The following AOPEP variants were observed in gnomAD, a reference collection of about 807,000 sequenced individuals.
The protein encoded by AOPEP is aminopeptidase O.
Under a neutral mutation model 98.1 loss-of-function variants are expected in AOPEP, and 77 were observed. That is an observed-to-expected ratio of 0.78 (90% CI 0.65 to 0.95). The LOEUF is 0.95. Among genes scored for constraint, AOPEP ranks in the 40% least tolerant of loss-of-function variants. AOPEP has a pLI of 0.00. For missense variants in AOPEP, 1,024 were observed against 1,024.7 expected (o/e 1.00, Z 0.01); for synonymous variants, 346 against 365.3 (o/e 0.95, Z 0.60).
At chr9:95,117,379 T>C in the AOPEP span, 1 of 1,613,712 alleles carries the variant, frequency 6.2e-7, no homozygotes, top group Non-Finnish European at 8.5e-7. Context: ...AGGTCTTGAG[T>C]GCAAACCGCA....
Position 95,086,796 on chromosome 9 carries a change from A to T in AOPEP, c.*119A>T, listed in dbSNP as rs1393853166. On this transcript the variant is annotated 3_prime_UTR_variant, in exon 17 of 17. Coordinates refer to ENST00000375315, the MANE Select transcript of AOPEP (RefSeq NM_001193329.3). ...GTGGCTGCTAAAGCCATCGGCCCAC[A>T]GCCCTGTTCACATCTTGGTGCTTCT... 1.0e-6 allele frequency: 1 copy of T among 987,894 alleles called. No individual in the cohort carries two copies. Among genetic ancestry groups the T allele is most frequent in the Non-Finnish European group, 1.2e-6 (1 of 830,134 alleles). The allele number at this position is 987,894 out of a possible 1,614,324, so 61.2% of individuals were successfully genotyped here.
intron 5 of AOPEP, among the ~76,000 whole-genome samples, chr9:94,919,840 A>G (rs1268183699): frequency 6.6e-6 from 1 of 152,312 alleles, no homozygotes; most frequent in South Asian, 2.1e-4. Flanking sequence ...TTAGAGGGCA[A>G]TGAGCCTGGT....
At chr9:94,785,711 A>G (rs1245539462) in intron 3 of AOPEP, among the ~76,000 whole-genome samples, 1 of 152,232 alleles carries the variant, frequency 6.6e-6, no homozygotes, top group African/African-American at 2.4e-5. Flanking sequence ...TGCAGAGGAA[A>G]AACTCTGGGT....
chr9:95,122,645 A>G, the AOPEP span, among the ~76,000 whole-genome samples: 1 of 152,210 alleles, frequency 6.6e-6, no homozygotes, highest in Non-Finnish European at 1.5e-5. Context: ...CTGCAACATC[A>G]GTCCCAATCC....
chr9:94,979,338 C>G (rs1301002753), intron 10 of AOPEP, 29 bp from the exon 11 acceptor site: 1 of 1,524,016 alleles, frequency 6.6e-7, no homozygotes, highest in Admixed American at 1.8e-5. Context: ...CTTTTTAATC[C>G]TTTACTTTTT....
At chr9:94,833,346 T>G (rs2041154616) in intron 5 of AOPEP, among the ~76,000 whole-genome samples, 1 of 151,120 alleles carries the variant, frequency 6.6e-6, no homozygotes, top group Non-Finnish European at 1.5e-5. Flanking sequence ...CAAGTGATTC[T>G]CCTGCCTCAG....
chr9:94,734,191 C>A (rs1293768429), intron 1 of AOPEP, among the ~76,000 whole-genome samples: 3 of 152,160 alleles, frequency 2.0e-5, no homozygotes, highest in Non-Finnish European at 2.9e-5. Flanking sequence ...AACATGATCA[C>A]CAAATAAATC....
intron 1 of AOPEP, among the ~76,000 whole-genome samples, chr9:94,757,845 C>G (rs1043091877): frequency 6.6e-6 from 1 of 152,044 alleles, no homozygotes; most frequent in Non-Finnish European, 1.5e-5. Context: ...CCACAGCCAC[C>G]ATCAGAATGA....
chr9:95,135,319 T>C, the AOPEP span: 1 of 1,611,490 alleles, frequency 6.2e-7, no homozygotes, highest in Non-Finnish European at 8.5e-7. Flanking sequence ...TCAAGGATTT[T>C]TCCCTTCATC....
chr9:95,063,174 T>A (rs2067483078), intron 14 of AOPEP, among the ~76,000 whole-genome samples: 1 of 152,238 alleles, frequency 6.6e-6, no homozygotes, highest in Admixed American at 6.5e-5. Flanking sequence ...TTCTGCAGTT[T>A]TTGAGTATAT....
the AOPEP span, chr9:95,127,418 G>A: frequency 6.6e-6 from 1 of 152,242 alleles, no homozygotes; most frequent in Admixed American, 6.5e-5. Context: ...AGACCGGGAG[G>A]GGGAGATGGT....
chr9:95,114,362 A>T, the AOPEP span: 1 of 488,936 alleles, frequency 2.0e-6, no homozygotes. Context: ...TATATTTCAA[A>T]ATCTAAAACC....
chr9:94,813,929 C>T (rs574127938), intron 5 of AOPEP, among the ~76,000 whole-genome samples: 1 of 152,246 alleles, frequency 6.6e-6, no homozygotes, highest in South Asian at 2.1e-4. Flanking sequence ...AATTCAAGGA[C>T]AAGTTGGAAG....
intron 16 of AOPEP, among the ~76,000 whole-genome samples, chr9:95,084,563 G>C (rs1479882329): frequency 6.6e-6 from 1 of 152,246 alleles, no homozygotes; most frequent in Non-Finnish European, 1.5e-5. Flanking sequence ...ACGTGTTAAA[G>C]TGTGTGAAAC....
the AOPEP span, among the ~76,000 whole-genome samples, chr9:95,144,516 G>A: frequency 1.3e-5 from 2 of 152,158 alleles, no homozygotes; most frequent in African/African-American, 2.4e-5. Context: ...CTCTGGGCAC[G>A]TCGCCTGGCC....
intron 5 of AOPEP, among the ~76,000 whole-genome samples, chr9:94,849,485 CT>C (rs1246780945): frequency 1.5e-5 from 2 of 129,804 alleles, no homozygotes; most frequent in African/African-American, 2.9e-5. Flanking sequence ...GGTAACATTT[CT>C]TTTTTTTCTT....
chr9:95,027,950 C>T (rs1414207006), intron 13 of AOPEP, among the ~76,000 whole-genome samples: 1 of 152,162 alleles, frequency 6.6e-6, no homozygotes, highest in South Asian at 2.1e-4. Flanking sequence ...ACCCTCTCGT[C>T]GTGGGTGAAG....
At chr9:94,989,167 T>C (rs1197019702) in intron 11 of AOPEP, among the ~76,000 whole-genome samples, 1 of 152,066 alleles carries the variant, frequency 6.6e-6, no homozygotes, top group East Asian at 1.9e-4. Flanking sequence ...AGTGGCATGA[T>C]CTCTGCTCAC....
At chr9:94,877,160 G>A (rs891009014) in intron 5 of AOPEP, among the ~76,000 whole-genome samples, 14 of 152,102 alleles carry the variant, frequency 9.2e-5, no homozygotes, top group Admixed American at 3.3e-4. Flanking sequence ...TTGAATGGCC[G>A]GAGTGAGCCA....
Sources: allele counts gnomAD v4.1 joint callset (sites outside exome capture counted in the v4.1 genomes callset), GRCh38; gene constraint gnomAD v4.1.1; transcripts MANE v1.5; gene names NCBI Gene and HGNC (gene_info 2026-07-23, HGNC 2026-07-21).